Variants in DNAH14 observed in about 807,000 individuals in gnomAD.
DNAH14 encodes the protein axonemal beta dynein heavy chain 14.
DNAH14 carries 478 observed loss-of-function variants against 520.9 expected under a neutral mutation model. The ratio of observed to expected loss-of-function variants is 0.92; its 90% CI spans 0.85 to 0.99. The LOEUF is 0.99. DNAH14 is among the 50% of genes least tolerant of loss of function. DNAH14 has a pLI of 0.00. For synonymous variants in DNAH14, 1,581 were observed against 1,757.2 expected, an observed-to-expected ratio of 0.90 and a Z score of 2.51; for missense variants, 4,831 against 5,234.5, an observed-to-expected ratio of 0.92 and a Z score of 2.38.
chr1:225,071,367 C>T (rs1449845657), intron 17 of DNAH14, among the ~76,000 whole-genome samples: 1 of 152,136 alleles, frequency 6.6e-6, no homozygotes, highest in East Asian at 1.9e-4. Context: ...TCCTATAAGG[C>T]AGGTCTGGTG....
intron 4 of DNAH14, 149 bp downstream of exon 4, chr1:224,960,451 C>T (rs532287731): frequency 1.1e-6 from 1 of 876,914 alleles, no homozygotes; most frequent in South Asian, 3.3e-5. Context: ...TATTACAATG[C>T]TTTTAAAATT....
intron 23 of DNAH14, among the ~76,000 whole-genome samples, chr1:225,101,122 C>G (rs962565427): frequency 6.6e-6 from 1 of 151,428 alleles, no homozygotes; most frequent in Non-Finnish European, 1.5e-5. Context: ...CCCAGGTTCC[C>G]TTACCTTTTA....
intron 11 of DNAH14, among the ~76,000 whole-genome samples, chr1:225,035,071 A>C (rs1184737571): frequency 2.0e-5 from 3 of 151,566 alleles, no homozygotes; most frequent in Non-Finnish European, 2.9e-5. Context: ...GTGTGTGTGC[A>C]TGTGTCTCAA....
At position 225,384,037 on chromosome 1, in the gene DNAH14, G is replaced by A. The variant is rs548994036; in HGVS notation, c.13077+2458G>A. ...GAGCAGGATGTTCAGTTTCCATGTA[G>A]TTGAGCGGTTTTAGTGAGTTTCTTA... On this transcript the variant is annotated intron_variant, in intron 81 of 85. Transcript: ENST00000682510. Among the ~76,000 whole-genome samples the A allele has an allele frequency of 1.4e-4, 22 of 152,302 alleles. No homozygotes were observed. In the East Asian group the frequency reaches 4.0e-3, roughly 28 times the overall value.
intron 1 of DNAH14, 118 bp from the exon 2 acceptor site, chr1:224,952,552 G>C: frequency 2.0e-6 from 1 of 500,572 alleles, no homozygotes; most frequent in Non-Finnish European, 3.4e-6. Context: ...AAGGCAGTCA[G>C]GATATTATAT....
At chr1:225,058,457 TTTG>T (rs1205680705) in intron 17 of DNAH14, among the ~76,000 whole-genome samples, 1 of 152,206 alleles carries the variant, frequency 6.6e-6, no homozygotes, top group East Asian at 1.9e-4. Context: ...GTCTATCAAT[TTTG>T]TTGATCTTTT....
chr1:225,199,268 T>C (rs542011242), intron 38 of DNAH14, among the ~76,000 whole-genome samples: 13 of 152,284 alleles, frequency 8.5e-5, no homozygotes, highest in African/African-American at 2.9e-4. Context: ...GGTCTATCAA[T>C]TTTATTTTTT....
Position 225,324,308 on chromosome 1 carries a change from G to C in DNAH14, c.9582G>C (p.Leu3194=). 2.6e-6 allele frequency: 4 copies of C among 1,551,852 alleles called. No individual in the cohort carries two copies. Among genetic ancestry groups the C allele is most frequent in the Non-Finnish European group, 3.5e-6 (4 of 1,147,010 alleles). Residue 3194 remains leucine (L), a synonymous_variant, in exon 63 of 86, where the codon CTG becomes CTC. Transcript: ENST00000682510. ...ISLVSVACCS[L]CQWVIALNNY... ...TGGTTTCTGTTGCTTGTTGCTCCCTGTGCCAGTGGGTTATAGCTTTGAATA... is the reference window on the plus strand; with the variant it reads ...TGGTTTCTGTTGCTTGTTGCTCCCTCTGCCAGTGGGTTATAGCTTTGAATA...
At chr1:225,355,617 A>G (rs2095421012) in intron 73 of DNAH14, among the ~76,000 whole-genome samples, 1 of 152,200 alleles carries the variant, frequency 6.6e-6, no homozygotes, top group South Asian at 2.1e-4. Flanking sequence ...GACCATAGCA[A>G]CTTCCAAGTT....
At chr1:225,104,064 C>T (rs191387373) in intron 23 of DNAH14, among the ~76,000 whole-genome samples, 2 of 152,104 alleles carry the variant, frequency 1.3e-5, no homozygotes, top group Non-Finnish European at 2.9e-5. Flanking sequence ...GATACGTCCC[C>T]TCAATACCTA....
At chr1:225,200,244 T>C (rs2086650760) in intron 38 of DNAH14, among the ~76,000 whole-genome samples, 1 of 152,192 alleles carries the variant, frequency 6.6e-6, no homozygotes, top group Admixed American at 6.5e-5. Context: ...GGTGAGTCTC[T>C]TGAAGGCAGC....
chr1:225,353,719 G>T, intron 72 of DNAH14, 84 bp from the exon 73 acceptor site: 1 of 750,574 alleles, frequency 1.3e-6, no homozygotes, highest in South Asian at 1.7e-5. Context: ...ACAATTTTAT[G>T]ACAGAAATTT....
At chr1:225,068,778 T>C (rs1244414536) in intron 17 of DNAH14, among the ~76,000 whole-genome samples, 1 of 152,176 alleles carries the variant, frequency 6.6e-6, no homozygotes, top group Non-Finnish European at 1.5e-5. Context: ...GAATGCTAGT[T>C]ATTTTTGCAC....
Position 225,007,485 on chromosome 1 carries a change from A to G in DNAH14, c.1048A>G (p.Lys350Glu). ...GTTACAGCAAGCTACCCAGGCATTGAAACAACTTGAGGACATCAGGAATAA... is the reference window on the plus strand; with the variant it reads ...GTTACAGCAAGCTACCCAGGCATTGGAACAACTTGAGGACATCAGGAATAA... ...EQLQQATQAL[K>E]QLEDIRNKAI... Residue 350 changes from lysine (K) to glutamate (E), a missense_variant, in exon 10 of 86, where the codon AAA becomes GAA. Coordinates refer to ENST00000682510, the MANE Select transcript of DNAH14 (RefSeq NM_001367479.1). 1.3e-6 allele frequency: 2 copies of G among 1,541,598 alleles called. No individual in the cohort carries two copies. The highest frequency in any genetic ancestry group is 1.8e-6 in the Non-Finnish European group (2 of 1,141,282).
chr1:225,357,701 A>G, intron 73 of DNAH14: 1 of 677,680 alleles, frequency 1.5e-6, no homozygotes, highest in Non-Finnish European at 2.7e-6. Flanking sequence ...ACATATTGCC[A>G]ATATTTGACA....
At chr1:224,942,471 C>A (rs2059488803) in intron 1 of DNAH14, among the ~76,000 whole-genome samples, 1 of 152,176 alleles carries the variant, frequency 6.6e-6, no homozygotes, top group South Asian at 2.1e-4. Context: ...TTGACTTCCA[C>A]TTTTCCTAAT....
At chr1:224,936,248 T>C (rs1194044980) in intron 1 of DNAH14, among the ~76,000 whole-genome samples, 1 of 151,142 alleles carries the variant, frequency 6.6e-6, no homozygotes, top group South Asian at 2.1e-4. Flanking sequence ...CTAAAAAACA[T>C]AGAGGATCAA....
At chr1:225,101,599 G>C (rs939050462) in intron 23 of DNAH14, among the ~76,000 whole-genome samples, 25 of 152,086 alleles carry the variant, frequency 1.6e-4, no homozygotes, top group African/African-American at 5.5e-4. Context: ...AAATAAATGA[G>C]AACATATGAA....
chr1:225,115,667 A>C (rs1336108556), intron 23 of DNAH14, among the ~76,000 whole-genome samples: 2 of 152,154 alleles, frequency 1.3e-5, no homozygotes, highest in Non-Finnish European at 2.9e-5. Flanking sequence ...AGCCAGATTG[A>C]TTCTGGTTAA....
Sources: allele counts gnomAD v4.1 joint callset (sites outside exome capture counted in the v4.1 genomes callset), GRCh38; gene constraint gnomAD v4.1.1; transcripts MANE v1.5; gene names NCBI Gene and HGNC (gene_info 2026-07-23, HGNC 2026-07-21).